Variants in ZZEF1 observed in about 807,000 individuals in gnomAD.
ZZEF1 encodes zinc finger ZZ-type and EF-hand domain-containing protein 1.
ZZEF1 carries 157 observed loss-of-function variants against 342.8 expected under a neutral mutation model. The observed-to-expected ratio is 0.46, with a 90% CI of 0.40 to 0.52. The LOEUF (loss-of-function observed/expected upper bound fraction) is 0.52, where lower values mean the gene tolerates loss of function less well. Among genes scored for constraint, ZZEF1 ranks in the 20% least tolerant of loss-of-function variants. ZZEF1 has a pLI of 0.00. For missense variants in ZZEF1, 3,480 were observed against 3,725.6 expected (o/e 0.93, Z 1.72); for synonymous variants, 1,505 against 1,429.1 (o/e 1.05, Z -1.20).
In ZZEF1 at chr17:4,005,528, T is replaced by TG. The variant is rs1276741146; in HGVS notation, c.*1361dup. 1 of 152,386 alleles carries TG rather than the reference T, an allele frequency of 6.6e-6. No individual in the cohort carries two copies. The highest frequency in any genetic ancestry group is 1.5e-5 in the Non-Finnish European group (1 of 68,144). The allele number at this position is 152,386 out of a possible 1,614,324, so 9.4% of individuals were successfully genotyped here. ...TAGGGCTGTGAAGCCCGCTGCACCT[T>TG]GGAGTCCTGACCCAGAAGGCGAAAG... is the stretch of plus-strand genomic sequence containing the variant. On this transcript the variant is annotated 3_prime_UTR_variant, in exon 55 of 55. Coordinates refer to ENST00000381638, the MANE Select transcript of ZZEF1 (RefSeq NM_015113.4).
chr17:4,007,055 G>T, intron 54 of ZZEF1, 85 bp from the exon 55 acceptor site: 1 of 1,247,798 alleles, frequency 8.0e-7, no homozygotes, highest in South Asian at 1.5e-5. Context: ...GCTGAGCACT[G>T]AGGATGTGGG....
chr17:4,034,603 C>G (rs1261500278), intron 39 of ZZEF1, among the ~76,000 whole-genome samples: 1 of 152,154 alleles, frequency 6.6e-6, no homozygotes. Flanking sequence ...TTAAAGCTCC[C>G]CTAAATCCCC....
In ZZEF1 at chr17:4,014,025, G is replaced by A; in HGVS notation, c.8413+65C>T. Reference sequence around the variant, plus strand: ...TTTAACCAAGATCAGTGACATCATGGCACCCACAGCCATGGAGTGTCCCTG... The same window carrying A: ...TTTAACCAAGATCAGTGACATCATGACACCCACAGCCATGGAGTGTCCCTG... On this transcript the variant is annotated intron_variant, in intron 51 of 54. Coordinates refer to ENST00000381638, the MANE Select transcript of ZZEF1 (RefSeq NM_015113.4). The surrounding 1 kb of genome is among the most constrained non-coding windows in gnomAD (Gnocchi z 4.4). 1.4e-5 allele frequency: 20 copies of A among 1,452,034 alleles called. No individual in the cohort carries two copies. The highest frequency in any genetic ancestry group is 1.9e-5 in the Non-Finnish European group (20 of 1,038,422). The allele number at this position is 1,452,034 out of a possible 1,614,324, so 89.9% of individuals were successfully genotyped here.
At chr17:4,033,641 GC>G (rs1404353978) in intron 40 of ZZEF1, 1 of 243,664 alleles carries the variant, frequency 4.1e-6, no homozygotes, top group African/African-American at 2.3e-5. Flanking sequence ...GAGCCACCGT[GC>G]CCAGCTTATT....
At chr17:4,049,962 GA>G (rs1162360473) in intron 36 of ZZEF1, 103 bp from the exon 37 acceptor site, 13 of 1,353,070 alleles carry the variant, frequency 9.6e-6, no homozygotes, top group Non-Finnish European at 1.2e-5. Context: ...ATAAATAAAT[GA>G]GTTCTGCACA....
intron 39 of ZZEF1, among the ~76,000 whole-genome samples, chr17:4,040,440 C>T (rs2056779019): frequency 1.3e-5 from 2 of 152,062 alleles, no homozygotes; most frequent in East Asian, 1.9e-4. Context: ...CCAAGTGATC[C>T]AGAGCTAAAA....
chr17:4,072,642 C>T lies in ZZEF1; in HGVS notation c.3800G>A (p.Ser1267Asn), dbSNP rs1255491861. The stretch of plus-strand genomic sequence containing the variant: ...ATTCCGGTGTGGGTGAGTGGGCCAG[C>T]TTGCTTCTAATTCCAACTCTGGACA... ...QVCPELELEA[S>N]WPTHPHRNSK... The change falls in exon 25 of 55, where the codon AGC becomes AAC. Residue 1267 changes from serine to asparagine, a missense_variant. Ser to Asn is a conservative substitution (Grantham distance 46, BLOSUM62 1). Transcript: ENST00000381638. The T allele has an allele frequency of 6.2e-7, 1 of 1,613,870 alleles. No individual in the cohort carries two copies. Among genetic ancestry groups the T allele is most frequent in the East Asian group, 2.2e-5 (1 of 44,898 alleles).
intron 1 of ZZEF1, among the ~76,000 whole-genome samples, chr17:4,134,205 G>A (rs1017410152): frequency 6.6e-6 from 1 of 151,542 alleles, no homozygotes; most frequent in Non-Finnish European, 1.5e-5. Context: ...GTTCAGGTTT[G>A]CTACCCAGGA....
intron 43 of ZZEF1, 151 bp downstream of exon 43, chr17:4,024,768 T>C (rs1180089896): frequency 1.3e-6 from 1 of 740,906 alleles, no homozygotes; most frequent in Admixed American, 2.3e-5. Context: ...TTTGAAGTTA[T>C]CTGTGTGTAA....
chr17:4,006,129 T>G lies in ZZEF1; in HGVS notation c.*761A>C, dbSNP rs1447046415. ...TCTGCTCCTTTCACAGAATGGTCAGTCCCCGGTCATGCCCTCGAGCCCCTC... is the reference window on the plus strand; with the variant it reads ...TCTGCTCCTTTCACAGAATGGTCAGGCCCCGGTCATGCCCTCGAGCCCCTC... On this transcript the variant is annotated 3_prime_UTR_variant, in exon 55 of 55. Coordinates refer to ENST00000381638, the MANE Select transcript of ZZEF1 (RefSeq NM_015113.4). 2 of 153,054 alleles carry G rather than the reference T, an allele frequency of 1.3e-5. No homozygotes were observed. Among genetic ancestry groups the G allele is most frequent in the Non-Finnish European group, 2.9e-5 (2 of 68,722 alleles). The allele number at this position is 153,054 out of a possible 1,614,324, so 9.5% of individuals were successfully genotyped here.
chr17:4,062,172 G>A (rs1188412974), intron 30 of ZZEF1, among the ~76,000 whole-genome samples: 1 of 152,026 alleles, frequency 6.6e-6, no homozygotes, highest in East Asian at 1.9e-4. Flanking sequence ...GATCTTAGCT[G>A]GTCATTCACC....
chr17:4,020,056 C>T (rs955387421), intron 45 of ZZEF1: 29 of 293,230 alleles, frequency 9.9e-5, no homozygotes, highest in South Asian at 3.5e-4. Flanking sequence ...CTTACCACAT[C>T]GTATTCACGG....
At chr17:4,018,108 C>T (rs1436029594) in intron 46 of ZZEF1, 137 bp from the exon 47 acceptor site, 9 of 1,160,684 alleles carry the variant, frequency 7.8e-6, no homozygotes, top group African/African-American at 3.1e-5. Flanking sequence ...CCGTGTTTTG[C>T]CAACTGGATT....
At chr17:4,102,690 A>C (rs1182023203) in intron 8 of ZZEF1, among the ~76,000 whole-genome samples, 5 of 152,202 alleles carry the variant, frequency 3.3e-5, no homozygotes, top group Non-Finnish European at 7.3e-5. Context: ...ATTATAAGAC[A>C]TAGGTTGATA....
intron 46 of ZZEF1, among the ~76,000 whole-genome samples, chr17:4,018,796 G>T (rs533293294): frequency 9.8e-4 from 149 of 152,180 alleles, no homozygotes; most frequent in Non-Finnish European, 4.3e-4. Flanking sequence ...GAGCGAGGTG[G>T]TGTGCCACCT....
At chr17:4,122,690 T>C (rs1229123484) in intron 2 of ZZEF1, among the ~76,000 whole-genome samples, 2 of 152,134 alleles carry the variant, frequency 1.3e-5, no homozygotes, top group Admixed American at 6.5e-5. Flanking sequence ...CCGCCGGCAT[T>C]GCTTAATTTT....
In ZZEF1 at chr17:4,013,503, T is replaced by C; in HGVS notation, c.8525A>G (p.Gln2842Arg). Residue 2842 changes from glutamine (Q) to arginine (R), a missense_variant, in exon 52 of 55, where the codon CAA (glutamine) becomes CGA (arginine). By Grantham distance (43) the Gln-to-Arg change is conservative. Transcript: ENST00000381638. Reference sequence around the variant, plus strand: ...AAGTAAGTGGATGGCTTTTAATCGTTGATGGCCAGTCTGGCGACAGGCCAC... The same window carrying C: ...AAGTAAGTGGATGGCTTTTAATCGTCGATGGCCAGTCTGGCGACAGGCCAC... ...VGVACRQTGH[Q>R]RLKAIHLLLR... The C allele has an allele frequency of 6.2e-7, 1 of 1,613,960 alleles. No homozygotes were observed. Among genetic ancestry groups the C allele is most frequent in the Non-Finnish European group, 8.5e-7 (1 of 1,179,876 alleles).
At position 4,033,204 on chromosome 17, in the gene ZZEF1, T is replaced by C. The variant is rs2056587822; in HGVS notation, c.6585-202A>G. 10 of 506,334 alleles carry C rather than the reference T, an allele frequency of 2.0e-5. No individual in the cohort carries two copies. In the South Asian group the frequency reaches 3.5e-4, roughly 18 times the overall value. The allele number at this position is 506,334 out of a possible 1,614,324, so 31.4% of individuals were successfully genotyped here. A position where few individuals can be genotyped will look rare whatever the true frequency, so the allele number is the denominator to read the frequency against. ...AGACTTGTTACTTACATACTCACCC[T>C]ACGGCTGTGTTTCCAAAAATATCTA... On this transcript the variant is annotated intron_variant, in intron 40 of 54. Transcript: ENST00000381638.
In ZZEF1 at chr17:4,104,762, C is replaced by A. The variant is rs745899170; in HGVS notation, c.1444G>T (p.Ala482Ser). Residue 482 changes from alanine (A) to serine (S), a missense_variant, in exon 8 of 55, where the codon GCA (alanine) becomes TCA (serine). Physicochemically the swap from Ala to Ser is moderately conservative, Grantham distance 99. This residue lies in a region of ZZEF1 where 1,528 missense variants were observed against 1,624.1 expected (regional missense o/e 0.94). Coordinates refer to ENST00000381638, the MANE Select transcript of ZZEF1 (RefSeq NM_015113.4). ...ATGACTTTGGCAACACTTCCTCTTG[C>A]GAGAGCAAAAGCCAGAAGAGTCAGT... ...VELTLLAFAL[A>S]RGSVAKVMSS... 2.5e-6 allele frequency: 4 copies of A among 1,614,042 alleles called. No homozygotes were observed. Among genetic ancestry groups the A allele is most frequent in the South Asian group, 1.1e-5 (1 of 91,078 alleles).
Sources: allele counts gnomAD v4.1 joint callset (sites outside exome capture counted in the v4.1 genomes callset), GRCh38; gene constraint gnomAD v4.1.1; regional missense constraint gnomAD v4.1.1; non-coding constraint Gnocchi (gnomAD v3.1); transcripts MANE v1.5; gene names NCBI Gene and HGNC (gene_info 2026-07-23, HGNC 2026-07-21).